The following IFT88 variants were observed in gnomAD, a reference collection of about 807,000 sequenced individuals.
IFT88 encodes intraflagellar transport 88.
A neutral mutation model predicts 119.5 loss-of-function variants in IFT88; 74 were observed. That is an observed-to-expected ratio of 0.62 (90% CI 0.51 to 0.75). The LOEUF is 0.75. IFT88 is among the 30% of genes least tolerant of loss of function. The pLI is 0.00. For synonymous variants in IFT88, 279 were observed against 316.7 expected, an observed-to-expected ratio of 0.88 and a Z score of 1.26; for missense variants, 961 against 977.7, an observed-to-expected ratio of 0.98 and a Z score of 0.23.
rs150069350 is a variant in IFT88, at chr13:20,643,524, C to T, written c.1752C>T (p.Thr584=). 1.1e-4 allele frequency: 185 copies of T among 1,611,666 alleles called. No homozygotes were observed. The highest frequency in any genetic ancestry group is 1.5e-4 in the Non-Finnish European group (177 of 1,178,202). ...TGCAGGTGGTCAGTGTTATTCCAAC[C>T]GATCCTCAAGTTTTATCTAAGCTAG... ...WLMQVVSVIP[T]DPQVLSKLGE... The change falls in exon 19 of 26, where the codon ACC becomes ACT. Residue 584 remains threonine, a synonymous_variant. Coordinates refer to ENST00000351808, the MANE Select transcript of IFT88 (RefSeq NM_006531.5).
At chr13:20,567,464 C>T (rs2035088208) in intron 1 of IFT88, among the ~76,000 whole-genome samples, 2 of 152,264 alleles carry the variant, frequency 1.3e-5, no homozygotes, top group African/African-American at 4.8e-5. Context: ...TACTCAGAAA[C>T]GCGGGCGTTG....
intron 9 of IFT88, among the ~76,000 whole-genome samples, chr13:20,597,482 C>T (rs3002162): frequency 0.26 from 39,730 of 151,896 alleles, 8,057 homozygotes; most frequent in African/African-American, 0.57. Context: ...CCGTGGCTCA[C>T]GCCTGTAATC....
chr13:20,609,245 C>G (rs2044036924), intron 13 of IFT88, among the ~76,000 whole-genome samples: 1 of 152,138 alleles, frequency 6.6e-6, no homozygotes. Context: ...TGCAGTGTTT[C>G]AAAGCTTCGA....
chr13:20,574,606 A>G (rs944899570), intron 2 of IFT88, 131 bp downstream of exon 2: 6 of 477,990 alleles, frequency 1.3e-5, no homozygotes, highest in South Asian at 7.7e-5. Flanking sequence ...GAAAAGTGCT[A>G]TTACAGAAGA....
At chr13:20,592,747 G>C (rs1330526789) in intron 7 of IFT88, among the ~76,000 whole-genome samples, 1 of 148,566 alleles carries the variant, frequency 6.7e-6, no homozygotes, top group African/African-American at 2.6e-5. Context: ...TGGCATTACA[G>C]GCGTGAGCCA....
intron 9 of IFT88, among the ~76,000 whole-genome samples, chr13:20,597,697 T>TAG (rs2041945215): frequency 6.6e-6 from 1 of 150,826 alleles, no homozygotes; most frequent in Non-Finnish European, 1.5e-5. Flanking sequence ...CGAGCCAAGA[T>TAG]CTTGCCACCA....
At chr13:20,679,462 A>T (rs1356809066) in intron 24 of IFT88, among the ~76,000 whole-genome samples, 1 of 152,240 alleles carries the variant, frequency 6.6e-6, no homozygotes, top group Non-Finnish European at 1.5e-5. Context: ...GAAGAATTTC[A>T]GTAATAATAT....
chr13:20,691,024 C>T (rs769042964), intron 25 of IFT88, 30 bp from the exon 26 acceptor site: 1 of 1,608,948 alleles, frequency 6.2e-7, no homozygotes, highest in Non-Finnish European at 8.5e-7. Flanking sequence ...GTTTACATAA[C>T]TCTAACGTGA....
Position 20,592,370 on chromosome 13 carries a change from C to T in IFT88, c.364C>T (p.Pro122Ser). Reference protein sequence around the residue: ...AFDPLSQSRGPASPLEAKKKD... With the variant: ...AFDPLSQSRGSASPLEAKKKD... Reference sequence around the variant, plus strand: ...TGACCCCCTTAGTCAGTCAAGGGGCCCTGCTTCCCCTTTGGAAGCCAAGAA... The same window carrying T: ...TGACCCCCTTAGTCAGTCAAGGGGCTCTGCTTCCCCTTTGGAAGCCAAGAA... The change falls in exon 7 of 26, where the codon CCT (proline) becomes TCT (serine). Residue 122 changes from proline to serine, a missense_variant. Pro to Ser is a moderately conservative substitution (Grantham distance 74). Transcript: ENST00000351808. The T allele has an allele frequency of 6.2e-7, 1 of 1,611,036 alleles. No individual in the cohort carries two copies. The highest frequency in any genetic ancestry group is 2.2e-5 in the East Asian group (1 of 44,770).
At chr13:20,665,260 G>A (rs2054501892) in intron 23 of IFT88, among the ~76,000 whole-genome samples, 1 of 151,894 alleles carries the variant, frequency 6.6e-6, no homozygotes, top group Non-Finnish European at 1.5e-5. Flanking sequence ...GCTTTCTTTT[G>A]GCCAGATTGA....
At chr13:20,592,245 G>T in intron 6 of IFT88, 90 bp from the exon 7 acceptor site, 2 of 917,654 alleles carry the variant, frequency 2.2e-6, no homozygotes, top group South Asian at 1.5e-5. Context: ...AGAGGTAAAT[G>T]AAATAGCTTA....
intron 23 of IFT88, among the ~76,000 whole-genome samples, chr13:20,668,912 C>T (rs1013457554): frequency 1.3e-5 from 2 of 152,166 alleles, no homozygotes; most frequent in African/African-American, 2.4e-5. Flanking sequence ...AAAGTGGTGT[C>T]TACGAGAAGT....
intron 11 of IFT88, among the ~76,000 whole-genome samples, chr13:20,601,365 GAAAA>G (rs60858876): frequency 2.8e-5 from 4 of 143,380 alleles, no homozygotes; most frequent in African/African-American, 7.8e-5. Context: ...GACCCTGTCT[GAAAA>G]AAAAAAAAAA....
rs200168455 is a variant in IFT88 at position 20,615,801 on chromosome 13, T to A, written c.1121T>A (p.Met374Lys). The A allele has an allele frequency of 1.7e-3, 2,639 of 1,589,354 alleles. 80 individuals are homozygous for A. The South Asian group carries it at 0.026, about 16-fold the overall frequency. ...TGGTTTATTTGATATAGGAAAGCCA[T>A]GGCAGAAAAATATATTATGACATCT... ...LRQMERERKA[M>K]AEKYIMTSAK... The change falls in exon 14 of 26, where the codon ATG becomes AAG. Residue 374 changes from methionine (M) to lysine (K), a missense_variant. Coordinates refer to ENST00000351808, the MANE Select transcript of IFT88 (RefSeq NM_006531.5).
At position 20,690,934 on chromosome 13, in the gene IFT88, T is replaced by G. The variant is rs543955107; in HGVS notation, c.2353+119T>G. 3.4e-5 allele frequency: 48 copies of G among 1,415,498 alleles called. No individual in the cohort carries two copies. The Admixed American group carries it at 6.5e-4, about 19-fold the overall frequency. 87.7% of individuals were successfully genotyped at this position (1,415,498 alleles called of 1,614,324 possible). A position where few individuals can be genotyped will look rare whatever the true frequency, so the allele number is the denominator to read the frequency against. On this transcript the variant is annotated intron_variant, in intron 25 of 25. Coordinates refer to ENST00000351808, the MANE Select transcript of IFT88 (RefSeq NM_006531.5). The stretch of plus-strand genomic sequence containing the variant: ...TGATATTTACAGATAAAATTTAAAA[T>G]GACTTGGGAGACCATTTCTGTTCAC...
At chr13:20,673,353 A>C (rs1424006430) in intron 24 of IFT88, among the ~76,000 whole-genome samples, 3 of 152,162 alleles carry the variant, frequency 2.0e-5, no homozygotes, top group Non-Finnish European at 4.4e-5. Context: ...ATGTGATAGA[A>C]CACCCGAAAA....
At chr13:20,643,339 G>A in intron 18 of IFT88, 116 bp from the exon 19 acceptor site, 3 of 752,850 alleles carry the variant, frequency 4.0e-6, no homozygotes, top group Admixed American at 5.8e-5. Context: ...AGAGGAAACA[G>A]TATACAATAG....
chr13:20,617,874 A>T (rs117563161), intron 14 of IFT88, among the ~76,000 whole-genome samples: 2 of 150,372 alleles, frequency 1.3e-5, no homozygotes, highest in Admixed American at 6.6e-5. Flanking sequence ...GCTCACTGCA[A>T]TCTCCACTTC....
intron 14 of IFT88, among the ~76,000 whole-genome samples, chr13:20,621,710 C>A (rs1189097607): frequency 6.6e-6 from 1 of 152,042 alleles, no homozygotes; most frequent in African/African-American, 2.4e-5. Context: ...CAGTATGGTA[C>A]ATTTGTTACA....
Sources: allele counts gnomAD v4.1 joint callset (sites outside exome capture counted in the v4.1 genomes callset), GRCh38; gene constraint gnomAD v4.1.1; transcripts MANE v1.5; gene names NCBI Gene and HGNC (gene_info 2026-07-23, HGNC 2026-07-21).